ADAMTS14: variants seen among roughly 807,000 people sequenced by gnomAD.
ADAMTS14 encodes the protein ADAM metallopeptidase with thrombospondin type 1 motif 14, also known as A disintegrin and metalloproteinase with thrombospondin motifs 14.
In ADAMTS14, 100 loss-of-function variants were observed where a neutral mutation model predicts 128.6. The observed-to-expected ratio is 0.78, with a 90% CI of 0.66 to 0.92. The LOEUF (loss-of-function observed/expected upper bound fraction) is 0.92, where lower values mean the gene tolerates loss of function less well. ADAMTS14 is among the 40% of genes least tolerant of loss of function. ADAMTS14 has a pLI of 0.00. For synonymous variants in ADAMTS14, 665 were observed against 653.8 expected, an observed-to-expected ratio of 1.02 and a Z score of -0.26; for missense variants, 1,562 against 1,658.6, an observed-to-expected ratio of 0.94 and a Z score of 1.01.
chr10:70,714,199 TA>T (rs1201468760), intron 4 of ADAMTS14, among the ~76,000 whole-genome samples: 2 of 151,158 alleles, frequency 1.3e-5, no homozygotes, highest in South Asian at 2.1e-4. Flanking sequence ...TCTCTAGAAT[TA>T]AAAAAAAAGA....
chr10:70,706,921 C>T (rs767138513), intron 3 of ADAMTS14, among the ~76,000 whole-genome samples: 24 of 152,238 alleles, frequency 1.6e-4, no homozygotes, highest in Non-Finnish European at 2.5e-4. Flanking sequence ...GCATCACCCA[C>T]GTGTGGACGG....
intron 21 of ADAMTS14, among the ~76,000 whole-genome samples, chr10:70,758,731 T>C (rs559918752): frequency 6.6e-6 from 1 of 152,344 alleles, no homozygotes; most frequent in Non-Finnish European, 1.5e-5. Context: ...GCTGCCTTCA[T>C]AGGGCTGGTG....
chr10:70,740,377 T>C (rs778703628), intron 11 of ADAMTS14, among the ~76,000 whole-genome samples: 6 of 152,228 alleles, frequency 3.9e-5, no homozygotes, highest in Admixed American at 6.5e-5. Context: ...ATACCTTTTC[T>C]TACTATTCTT....
At position 70,703,698 on chromosome 10, in the gene ADAMTS14, G is replaced by A. The variant is rs557803836; in HGVS notation, c.679+1230G>A. On this transcript the variant is annotated intron_variant, in intron 3 of 21. Transcript: ENST00000373207. Reference sequence around the variant, plus strand: ...TCTTTTAGGAAGAGACGTTGGGGAAGTCCAGCTCCAGAGCTGTGAGCCTGG... The same window carrying A: ...TCTTTTAGGAAGAGACGTTGGGGAAATCCAGCTCCAGAGCTGTGAGCCTGG... Among the ~76,000 whole-genome samples the A allele has an allele frequency of 2.6e-5, 4 of 152,346 alleles. No individual in the cohort carries two copies. In the East Asian group the frequency reaches 7.7e-4, roughly 29 times the overall value.
intron 19 of ADAMTS14, among the ~76,000 whole-genome samples, chr10:70,757,075 C>T (rs572879037): frequency 6.6e-6 from 1 of 152,164 alleles, no homozygotes; most frequent in African/African-American, 2.4e-5. Context: ...CCTGCAAATT[C>T]CTCTCCTTCC....
chr10:70,674,281 G>C (rs573349692), intron 1 of ADAMTS14, among the ~76,000 whole-genome samples: 1 of 152,178 alleles, frequency 6.6e-6, no homozygotes, highest in Non-Finnish European at 1.5e-5. Context: ...GCTAGTGACC[G>C]GGCTCTGTCT....
In ADAMTS14 at chr10:70,736,807, G is replaced by A. The variant is rs1841843484; in HGVS notation, c.1599+14G>A. The A allele has an allele frequency of 2.5e-6, 4 of 1,611,616 alleles. No homozygotes were observed. The highest frequency in any genetic ancestry group is 2.2e-5 in the South Asian group (2 of 90,840). On this transcript the variant is annotated intron_variant, in intron 10 of 21. Transcript: ENST00000373207. ...GCACCCGGCAAGGTACCTGTGGGGT[G>A]TGCAGCAGGAGTGGCCTTCCTGGGG...
chr10:70,689,757 G>T (rs1480684079), intron 2 of ADAMTS14, among the ~76,000 whole-genome samples: 1 of 145,370 alleles, frequency 6.9e-6, no homozygotes, highest in African/African-American at 2.4e-5. Flanking sequence ...ATGGTTCGCG[G>T]CATTCCTCCC....
At chr10:70,716,099 G>C (rs1229397148) in intron 4 of ADAMTS14, among the ~76,000 whole-genome samples, 2 of 152,250 alleles carry the variant, frequency 1.3e-5, no homozygotes, top group African/African-American at 2.4e-5. Context: ...TGGGCCCCGA[G>C]GGCCTGCCTT....
intron 2 of ADAMTS14, among the ~76,000 whole-genome samples, chr10:70,675,498 C>T (rs563899793): frequency 3.3e-5 from 5 of 152,140 alleles, no homozygotes; most frequent in Admixed American, 6.5e-5. Flanking sequence ...CTGCCTGGCT[C>T]GTGGCGTGGG....
intron 10 of ADAMTS14, among the ~76,000 whole-genome samples, chr10:70,738,369 A>G (rs1841889558): frequency 6.6e-6 from 1 of 152,144 alleles, no homozygotes; most frequent in African/African-American, 2.4e-5. Context: ...GGAATCCTTC[A>G]TGCATACACT....
Position 70,760,906 on chromosome 10 carries a change from A to C in ADAMTS14, c.*53A>C. On this transcript the variant is annotated 3_prime_UTR_variant, in exon 22 of 22. Coordinates refer to ENST00000373207, the MANE Select transcript of ADAMTS14 (RefSeq NM_080722.4). ...TTTACACTCTGTGTACTGCCCCGTG[A>C]CTCCCAGCTCAGAGGACACACATAG... The C allele has an allele frequency of 6.6e-7, 1 of 1,506,476 alleles. No homozygotes were observed. The highest frequency in any genetic ancestry group is 8.9e-7 in the Non-Finnish European group (1 of 1,127,824). 93.3% of individuals were successfully genotyped at this position (1,506,476 alleles called of 1,614,324 possible). A position where few individuals can be genotyped will look rare whatever the true frequency, so the allele number is the denominator to read the frequency against.
chr10:70,694,551 G>T (rs764333063), intron 2 of ADAMTS14, among the ~76,000 whole-genome samples: 4 of 151,976 alleles, frequency 2.6e-5, no homozygotes, highest in African/African-American at 9.7e-5. Flanking sequence ...CCCAGCCCTT[G>T]GCAGTGACGA....
In ADAMTS14 at chr10:70,708,755, T is replaced by A; in HGVS notation, c.847T>A (p.Tyr283Asn). ...CCATGGCAAGGAGCATGTGCAGAAC[T>A]ATGTCCTCACCCTCATGAATATCGT... ...RFHGKEHVQN[Y>N]VLTLMNIVDE... The change falls in exon 4 of 22, where the codon TAT (tyrosine) becomes AAT (asparagine). Residue 283 changes from tyrosine to asparagine, a missense_variant. Physicochemically the swap from Tyr to Asn is moderately radical, Grantham distance 143. Coordinates refer to ENST00000373207, the MANE Select transcript of ADAMTS14 (RefSeq NM_080722.4). 6.2e-7 allele frequency: 1 copy of A among 1,607,520 alleles called. No individual in the cohort carries two copies. Among genetic ancestry groups the A allele is most frequent in the Non-Finnish European group, 8.5e-7 (1 of 1,175,652 alleles).
chr10:70,712,334 G>A (rs1840888158), intron 4 of ADAMTS14, among the ~76,000 whole-genome samples: 1 of 152,202 alleles, frequency 6.6e-6, no homozygotes, highest in Admixed American at 6.5e-5. Flanking sequence ...AACTGGGGCT[G>A]AAGACCCCAG....
At position 70,738,855 on chromosome 10, in the gene ADAMTS14, G is replaced by A; in HGVS notation, c.1613G>A (p.Gly538Asp). 1 of 1,614,072 alleles carries A rather than the reference G, an allele frequency of 6.2e-7. No individual in the cohort carries two copies. Among genetic ancestry groups the A allele is most frequent in the East Asian group, 2.2e-5 (1 of 44,878 alleles). ...ECAPGKWCFKGHCIWKSPEQT... is the reference protein window; with the variant it reads ...ECAPGKWCFKDHCIWKSPEQT... Reference sequence around the variant, plus strand: ...GCTCTGCCCCAGTGGTGCTTCAAAGGTCACTGCATCTGGAAGTCGCCGGAG... The same window carrying A: ...GCTCTGCCCCAGTGGTGCTTCAAAGATCACTGCATCTGGAAGTCGCCGGAG... The change falls in exon 11 of 22, where the codon GGT becomes GAT. Residue 538 changes from glycine (G) to aspartate (D), a missense_variant. Gly to Asp is a moderately conservative substitution (Grantham distance 94). Transcript: ENST00000373207.
chr10:70,713,082 C>A (rs1840911734), intron 4 of ADAMTS14, among the ~76,000 whole-genome samples: 1 of 152,182 alleles, frequency 6.6e-6, no homozygotes, highest in South Asian at 2.1e-4. Flanking sequence ...CTTGGGTGAT[C>A]TGCTCCATTC....
At chr10:70,703,017 C>A (rs1168985414) in intron 3 of ADAMTS14, among the ~76,000 whole-genome samples, 1 of 152,212 alleles carries the variant, frequency 6.6e-6, no homozygotes, top group African/African-American at 2.4e-5. Context: ...TCCATGTCTA[C>A]CTGTAAATGT....
rs765994945 is a variant in ADAMTS14, at chr10:70,751,609, C to T, written c.2559C>T (p.Leu853=). The change falls in exon 17 of 22, where the codon CTC becomes CTT. Residue 853 remains leucine (L), a synonymous_variant. Transcript: ENST00000373207. Reference sequence around the variant, plus strand: ...AGATGGACACCTATGAGTGGGCGCTCAAGAGCTGGGCCCCCTGCAGCAAGG... The same window carrying T: ...AGATGGACACCTATGAGTGGGCGCTTAAGAGCTGGGCCCCCTGCAGCAAGG... ...LEEMDTYEWA[L]KSWAPCSKAC... is the part of the protein sequence containing the mutation. 2 of 1,612,602 alleles carry T rather than the reference C, an allele frequency of 1.2e-6. No individual in the cohort carries two copies. Among genetic ancestry groups the T allele is most frequent in the South Asian group, 2.2e-5 (2 of 91,048 alleles).
Sources: allele counts gnomAD v4.1 joint callset (sites outside exome capture counted in the v4.1 genomes callset), GRCh38; gene constraint gnomAD v4.1.1; transcripts MANE v1.5; gene names NCBI Gene and HGNC (gene_info 2026-07-23, HGNC 2026-07-21).